COL4A3: variants seen among roughly 807,000 people sequenced by gnomAD.
The protein encoded by COL4A3 is collagen type IV alpha 3 chain.
COL4A3 carries 135 observed loss-of-function variants against 217.4 expected under a neutral mutation model. The observed-to-expected ratio is 0.62, with a 90% CI of 0.54 to 0.72. COL4A3 has a LOEUF of 0.72. COL4A3 is among the 30% of genes least tolerant of loss of function. The pLI, the probability that COL4A3 is intolerant of heterozygous loss-of-function variation, is 0.00. For missense variants in COL4A3, 1,868 were observed against 2,119.9 expected, an observed-to-expected ratio of 0.88 and a Z score of 2.33; for synonymous variants, 690 against 736.3, an observed-to-expected ratio of 0.94 and a Z score of 1.02.
intron 1 of COL4A3, among the ~76,000 whole-genome samples, chr2:227,220,777 A>G (rs1005002831): frequency 3.9e-5 from 6 of 152,192 alleles, no homozygotes; most frequent in Non-Finnish European, 8.8e-5. Flanking sequence ...AGGCAGTTTT[A>G]TATGACAAAG....
At chr2:227,248,576 C>G in intron 9 of COL4A3, 56 bp downstream of exon 9, 1 of 1,107,208 alleles carries the variant, frequency 9.0e-7, no homozygotes, top group Non-Finnish European at 1.4e-6. Flanking sequence ...CTCTCTCTCT[C>G]TTTTCGCCTC....
intron 24 of COL4A3, 104 bp from the exon 25 acceptor site, chr2:227,270,666 A>G (rs2071180335): frequency 1.7e-6 from 2 of 1,167,444 alleles, no homozygotes; most frequent in Admixed American, 4.2e-5. Context: ...GTGTTGAAAA[A>G]ATTCATGTTA....
chr2:227,278,929 G>C (rs1050871400), intron 28 of COL4A3, among the ~76,000 whole-genome samples: 2 of 152,176 alleles, frequency 1.3e-5, no homozygotes, highest in African/African-American at 4.8e-5. Flanking sequence ...ATCACAGAAA[G>C]TGTGTTGACC....
chr2:227,164,964 G>A lies in COL4A3; in HGVS notation c.87+151G>A. 1 of 1,022,744 alleles carries A rather than the reference G, an allele frequency of 9.8e-7. No individual in the cohort carries two copies. The highest frequency in any genetic ancestry group is 1.3e-6 in the Non-Finnish European group (1 of 745,728). 63.4% of individuals were successfully genotyped at this position (1,022,744 alleles called of 1,614,324 possible). A position where few individuals can be genotyped will look rare whatever the true frequency, so the allele number is the denominator to read the frequency against. Reference sequence around the variant, plus strand: ...AGGGCTTCACGCAGGTCCCGGGACAGGCAGCGAGCGGAAGGGAGCAAGCGG... The same window carrying A: ...AGGGCTTCACGCAGGTCCCGGGACAAGCAGCGAGCGGAAGGGAGCAAGCGG... On this transcript the variant is annotated intron_variant, in intron 1 of 51. Coordinates refer to ENST00000396578, the MANE Select transcript of COL4A3 (RefSeq NM_000091.5). This position sits in a 1 kb window ranked among gnomAD's most constrained non-coding sequence, Gnocchi z 4.8.
At position 227,195,654 on chromosome 2, in the gene COL4A3, C is replaced by T. The variant is rs6713005; in HGVS notation, c.87+30841C>T. Reference sequence around the variant, plus strand: ...TATTATTATTTTAGAGTCTATGCCACATATATATATATATGTGTGTGTGTG... The same window carrying T: ...TATTATTATTTTAGAGTCTATGCCATATATATATATATATGTGTGTGTGTG... On this transcript the variant is annotated intron_variant, in intron 1 of 51. Transcript: ENST00000396578. Among the ~76,000 whole-genome samples the T allele has an allele frequency of 1.7e-3, 243 of 143,176 alleles. 3 individuals carry two copies. The highest frequency in any genetic ancestry group is 5.6e-3 in the African/African-American group (211 of 37,878). The allele number at this position is 143,176 out of a possible 152,430, so 93.9% of individuals were successfully genotyped here.
intron 1 of COL4A3, among the ~76,000 whole-genome samples, chr2:227,234,288 G>A (rs1260756797): frequency 2.0e-5 from 3 of 152,204 alleles, no homozygotes; most frequent in Non-Finnish European, 2.9e-5. Context: ...GGTACTGTTT[G>A]TCAGCTCTTC....
Position 227,214,685 on chromosome 2 carries a change from T to G in COL4A3, c.88-23283T>G, listed in dbSNP as rs79595410. On this transcript the variant is annotated intron_variant, in intron 1 of 51. Coordinates refer to ENST00000396578, the MANE Select transcript of COL4A3 (RefSeq NM_000091.5). ...TCAAATACCTGTCCATTGTGAATTA[T>G]AGGCACTAGCTGTGTCAAATGAAAA... 8.7e-3 allele frequency among the ~76,000 whole-genome samples: 1,320 copies of G among 152,348 alleles called. 27 individuals carry two copies. The highest frequency in any genetic ancestry group is 0.03 in the African/African-American group (1,251 of 41,584).
At chr2:227,213,901 C>CAAAAAAAAAAAA (rs5839195) in intron 1 of COL4A3, among the ~76,000 whole-genome samples, 4 of 89,232 alleles carry the variant, frequency 4.5e-5, no homozygotes, top group Non-Finnish European at 8.4e-5. Flanking sequence ...AACTCTGTCT[C>CAAAAAAAAAAAA]AAAAAAAAAA....
chr2:227,267,628 G>T (rs980695037), intron 23 of COL4A3, among the ~76,000 whole-genome samples: 2 of 152,156 alleles, frequency 1.3e-5, no homozygotes, highest in Non-Finnish European at 2.9e-5. Context: ...ATTTGAACGG[G>T]CCAGCGGGCA....
intron 1 of COL4A3, among the ~76,000 whole-genome samples, chr2:227,209,044 C>T (rs2067213213): frequency 1.3e-5 from 2 of 152,184 alleles, no homozygotes; most frequent in South Asian, 2.1e-4. Flanking sequence ...GCATTACAAA[C>T]AAACTTTTGG....
At chr2:227,270,682 G>A in intron 24 of COL4A3, 88 bp from the exon 25 acceptor site, 1 of 1,320,246 alleles carries the variant, frequency 7.6e-7, no homozygotes, top group Non-Finnish European at 1.1e-6. Context: ...TGTTAAAATT[G>A]AAAAGTTCTT....
At chr2:227,223,647 T>A (rs1035179561) in intron 1 of COL4A3, among the ~76,000 whole-genome samples, 4 of 152,018 alleles carry the variant, frequency 2.6e-5, no homozygotes, top group Non-Finnish European at 2.9e-5. Flanking sequence ...GATGGGAGAA[T>A]CTCTTGAACC....
intron 1 of COL4A3, among the ~76,000 whole-genome samples, chr2:227,237,199 A>G (rs1444310065): frequency 6.6e-6 from 1 of 152,212 alleles, no homozygotes; most frequent in Non-Finnish European, 1.5e-5. Flanking sequence ...AAAATATTTG[A>G]GAATAAAAAA....
intron 1 of COL4A3, among the ~76,000 whole-genome samples, chr2:227,227,513 G>A (rs1271630042): frequency 2.0e-5 from 3 of 151,744 alleles, no homozygotes; most frequent in African/African-American, 4.8e-5. Flanking sequence ...GGGTGACAGA[G>A]CAAGACTCCA....
At chr2:227,225,121 G>A (rs1392103081) in intron 1 of COL4A3, among the ~76,000 whole-genome samples, 1 of 152,180 alleles carries the variant, frequency 6.6e-6, no homozygotes, top group Non-Finnish European at 1.5e-5. Flanking sequence ...GCCCCGGCTG[G>A]TCTCCAACCC....
At chr2:227,299,037 G>C (rs1458066131) in intron 43 of COL4A3, among the ~76,000 whole-genome samples, 1 of 152,096 alleles carries the variant, frequency 6.6e-6, no homozygotes. Context: ...CATGGCAGAA[G>C]GCACCTCTTC....
intron 1 of COL4A3, among the ~76,000 whole-genome samples, chr2:227,196,243 C>G (rs1358529472): frequency 6.6e-6 from 1 of 152,014 alleles, no homozygotes; most frequent in Non-Finnish European, 1.5e-5. Flanking sequence ...CACTCACTCA[C>G]TGACTCACCC....
intron 28 of COL4A3, 129 bp downstream of exon 28, chr2:227,277,682 T>C (rs746217763): frequency 1.4e-5 from 9 of 661,206 alleles, no homozygotes; most frequent in African/African-American, 3.6e-5. Flanking sequence ...ATGAGTAAAA[T>C]AGGAAATATC....
intron 10 of COL4A3, 49 bp downstream of exon 10, chr2:227,251,251 A>C (rs1488842099): frequency 1.3e-6 from 2 of 1,573,666 alleles, no homozygotes; most frequent in Non-Finnish European, 1.7e-6. Context: ...TAATAGATTC[A>C]TTATTTATTA....
Sources: allele counts gnomAD v4.1 joint callset (sites outside exome capture counted in the v4.1 genomes callset), GRCh38; gene constraint gnomAD v4.1.1; non-coding constraint Gnocchi (gnomAD v3.1); transcripts MANE v1.5; gene names NCBI Gene and HGNC (gene_info 2026-07-23, HGNC 2026-07-21).